The following PPFIA2 variants were observed in gnomAD, a reference collection of about 807,000 sequenced individuals.
PPFIA2 encodes liprin-alpha-2.
Under a neutral mutation model 175.5 loss-of-function variants are expected in PPFIA2, and 46 were observed. The observed-to-expected ratio is 0.26, with a 90% CI of 0.21 to 0.34. The LOEUF (loss-of-function observed/expected upper bound fraction) is 0.34. PPFIA2 is among the 10% of genes least tolerant of loss of function. PPFIA2 has a pLI of 1.00. For missense variants in PPFIA2, 1,179 were observed against 1,506.1 expected (o/e 0.78, Z 3.60); for synonymous variants, 568 against 511.4 (o/e 1.11, Z -1.49).
At chr12:81,431,977 G>C (rs1373984765) in intron 7 of PPFIA2, among the ~76,000 whole-genome samples, 3 of 151,968 alleles carry the variant, frequency 2.0e-5, no homozygotes, top group Non-Finnish European at 4.4e-5. Context: ...AGCACCATCT[G>C]TTTTTCCTAT....
At chr12:81,449,965 G>A (rs189735341) in intron 5 of PPFIA2, among the ~76,000 whole-genome samples, 28,453 of 151,666 alleles carry the variant, frequency 0.19, 2,976 homozygotes, top group African/African-American at 0.28. Context: ...CAAAGGACAT[G>A]GACTCATCCT....
intron 3 of PPFIA2, among the ~76,000 whole-genome samples, chr12:81,747,621 T>G (rs1263473766): frequency 7.0e-6 from 1 of 143,766 alleles, no homozygotes; most frequent in Non-Finnish European, 1.6e-5. Flanking sequence ...AATTATCATT[T>G]GACATATTCC....
At chr12:81,660,217 A>C (rs933820185) in intron 4 of PPFIA2, among the ~76,000 whole-genome samples, 5 of 152,210 alleles carry the variant, frequency 3.3e-5, no homozygotes, top group African/African-American at 1.2e-4. Flanking sequence ...TGACGAGTTG[A>C]GAGAAGAAGG....
chr12:81,612,114 G>A (rs76399667), intron 4 of PPFIA2, among the ~76,000 whole-genome samples: 1 of 151,834 alleles, frequency 6.6e-6, no homozygotes, highest in Non-Finnish European at 1.5e-5. Context: ...TTAATAATTT[G>A]GTCTCTCTTG....
rs1435166015 is a variant in PPFIA2, at chr12:81,759,168, C to A, written c.-111+112G>T. The A allele has an allele frequency of 2.9e-5, 4 of 135,628 alleles. No individual in the cohort carries two copies. The East Asian group carries it at 1.0e-3, about 36-fold the overall frequency. 8.4% of individuals were successfully genotyped at this position (135,628 alleles called of 1,614,324 possible). On this transcript the variant is annotated intron_variant, in intron 1 of 32. Transcript: ENST00000549396. ...ATCACCCCACGCCGTCCCCCGGCCC[C>A]CCTTCCCTCCCCCCCGCCGCCCCCC... is the stretch of plus-strand genomic sequence containing the variant.
intron 4 of PPFIA2, chr12:81,598,509 T>C (rs1177161237): frequency 3.6e-6 from 1 of 281,380 alleles, no homozygotes; most frequent in Admixed American, 6.3e-5. Flanking sequence ...ACCTGAAGCA[T>C]GTTTCATATA....
intron 4 of PPFIA2, among the ~76,000 whole-genome samples, chr12:81,534,407 T>C (rs2065083220): frequency 6.6e-6 from 1 of 151,690 alleles, no homozygotes; most frequent in African/African-American, 2.4e-5. Context: ...CTGATTTTAT[T>C]ATTACATGTT....
At chr12:81,542,244 A>G (rs563319865) in intron 4 of PPFIA2, among the ~76,000 whole-genome samples, 2 of 152,200 alleles carry the variant, frequency 1.3e-5, no homozygotes, top group Admixed American at 6.6e-5. Flanking sequence ...GACTGGGGTG[A>G]GTGCAGATAC....
intron 4 of PPFIA2, among the ~76,000 whole-genome samples, chr12:81,521,651 C>CAAAAAAAAAAAA (rs1167533871): frequency 5.7e-5 from 5 of 87,490 alleles, no homozygotes; most frequent in Admixed American, 1.1e-4. Flanking sequence ...TAATAAAATA[C>CAAAAAAAAAAAA]AAAAAAAAAA....
At chr12:81,639,816 G>A (rs2153513766) in intron 4 of PPFIA2, among the ~76,000 whole-genome samples, 1 of 152,168 alleles carries the variant, frequency 6.6e-6, no homozygotes, top group South Asian at 2.1e-4. Flanking sequence ...TTATATACGT[G>A]AGGACAAGGT....
chr12:81,638,682 CTTTTT>C lies in PPFIA2; in HGVS notation c.303+38104_303+38108del, dbSNP rs869311003. 4.1e-5 allele frequency among the ~76,000 whole-genome samples: 3 copies of C among 72,682 alleles called. No homozygotes were observed. The South Asian group carries it at 1.7e-3, about 42-fold the overall frequency. 47.7% of individuals were successfully genotyped at this position (72,682 alleles called of 152,430 possible). On this transcript the variant is annotated intron_variant, in intron 4 of 32. Transcript: ENST00000549396. ...ATTTTCTTGTTTTGTCATAAATTTT[CTTTTT>C]TTTTTTTTTTTTTTTTTTGAGACGG...
At position 81,353,277 on chromosome 12, in the gene PPFIA2, G is replaced by T. The variant is rs1331563702; in HGVS notation, c.1836C>A (p.His612Gln). ...ACATTTCAGTGTCACTTTCAAAAGG[G>T]TGGCTGCTTAGTACTCCAATCTGTT... ...RTQQIGVLSSHPFESDTEMSD... is the reference protein window; with the variant it reads ...RTQQIGVLSSQPFESDTEMSD... Residue 612 changes from histidine to glutamine, a missense_variant, in exon 17 of 33, where the codon CAC becomes CAA. His to Gln is a conservative substitution (Grantham distance 24). Transcript: ENST00000549396. 2 of 1,613,728 alleles carry T rather than the reference G, an allele frequency of 1.2e-6. No individual in the cohort carries two copies. The highest frequency in any genetic ancestry group is 1.7e-6 in the Non-Finnish European group (2 of 1,179,784).
chr12:81,482,950 G>T (rs2895877), intron 4 of PPFIA2, among the ~76,000 whole-genome samples: 46,056 of 151,754 alleles, frequency 0.3, 7,653 homozygotes, highest in African/African-American at 0.43. Flanking sequence ...TCTGCTTACA[G>T]TTTAAGAAGA....
At chr12:81,289,794 AT>A (rs975359121) in intron 24 of PPFIA2, among the ~76,000 whole-genome samples, 8 of 151,812 alleles carry the variant, frequency 5.3e-5, no homozygotes, top group Admixed American at 5.3e-4. Context: ...CATTTCTGTA[AT>A]TTTTACCTGA....
chr12:81,747,629 T>C (rs2083235981), intron 3 of PPFIA2, among the ~76,000 whole-genome samples: 1 of 143,444 alleles, frequency 7.0e-6, no homozygotes, highest in South Asian at 2.3e-4. Flanking sequence ...TTTGACATAT[T>C]CCAACTCATT....
In PPFIA2 at chr12:81,372,402, T is replaced by C. The variant is rs79366037; in HGVS notation, c.1266+2232A>G. ...TTCAAAATATAGGAGGAGGAACCCATGTTTAAGCTAAGAAGAAATATTTTT... is the reference window on the plus strand; with the variant it reads ...TTCAAAATATAGGAGGAGGAACCCACGTTTAAGCTAAGAAGAAATATTTTT... On this transcript the variant is annotated intron_variant, in intron 11 of 32. Transcript: ENST00000549396. Among the ~76,000 whole-genome samples the C allele has an allele frequency of 2.6e-3, 396 of 151,052 alleles. 6 individuals are homozygous for C. The East Asian group carries it at 0.057, about 22-fold the overall frequency.
intron 4 of PPFIA2, among the ~76,000 whole-genome samples, chr12:81,577,598 T>C (rs1240860326): frequency 6.6e-6 from 1 of 151,908 alleles, no homozygotes; most frequent in African/African-American, 2.4e-5. Context: ...ATTAAATTGA[T>C]TGAATGTGAA....
At chr12:81,433,513 C>A (rs1267819187) in intron 7 of PPFIA2, among the ~76,000 whole-genome samples, 2 of 152,114 alleles carry the variant, frequency 1.3e-5, no homozygotes, top group East Asian at 1.9e-4. Context: ...TATTTTCTTT[C>A]TTTCCATTTC....
At chr12:81,495,107 T>TA (rs924902138) in intron 4 of PPFIA2, among the ~76,000 whole-genome samples, 2 of 151,514 alleles carry the variant, frequency 1.3e-5, no homozygotes, top group Non-Finnish European at 2.9e-5. Context: ...AATAAAATTT[T>TA]AAAAAAAAGA....
Sources: allele counts gnomAD v4.1 joint callset (sites outside exome capture counted in the v4.1 genomes callset), GRCh38; gene constraint gnomAD v4.1.1; transcripts MANE v1.5; gene names NCBI Gene and HGNC (gene_info 2026-07-23, HGNC 2026-07-21).